CDH12: variants seen among roughly 807,000 people sequenced by gnomAD.
CDH12 encodes cadherin-12.
CDH12 carries 41 observed loss-of-function variants against 74.1 expected under a neutral mutation model. The ratio of observed to expected loss-of-function variants is 0.55; its 90% CI spans 0.43 to 0.72. The LOEUF is 0.72. Among genes scored for constraint, CDH12 ranks in the 30% least tolerant of loss-of-function variants. CDH12 has a pLI of 0.00. For synonymous variants in CDH12, 399 were observed against 355.0 expected (o/e 1.12, Z -1.39); for missense variants, 945 against 977.2 (o/e 0.97, Z 0.44).
intron 3 of CDH12, among the ~76,000 whole-genome samples, chr5:22,254,575 C>T (rs1753250480): frequency 6.6e-6 from 1 of 151,716 alleles, no homozygotes; most frequent in East Asian, 1.9e-4. Flanking sequence ...AGGTTTAATA[C>T]CTGAGTGATG....
At chr5:21,874,220 A>G (rs919176043) in intron 6 of CDH12, among the ~76,000 whole-genome samples, 8 of 152,242 alleles carry the variant, frequency 5.3e-5, no homozygotes, top group African/African-American at 1.9e-4. Context: ...ACATAAACAG[A>G]CACTTCTCAA....
At chr5:21,874,407 A>C (rs1314241060) in intron 6 of CDH12, among the ~76,000 whole-genome samples, 1 of 152,196 alleles carries the variant, frequency 6.6e-6, no homozygotes, top group Non-Finnish European at 1.5e-5. Context: ...CGGGGCTTGC[A>C]ACTTAGCTCA....
intron 6 of CDH12, among the ~76,000 whole-genome samples, chr5:21,886,918 C>T (rs776231188): frequency 1.3e-4 from 20 of 152,070 alleles, no homozygotes; most frequent in Non-Finnish European, 2.5e-4. Flanking sequence ...AAGCAGTTGG[C>T]TATGACTTGG....
At chr5:22,308,179 C>G (rs1237081595) in intron 3 of CDH12, among the ~76,000 whole-genome samples, 3 of 151,936 alleles carry the variant, frequency 2.0e-5, no homozygotes, top group Admixed American at 6.6e-5. Flanking sequence ...CCGCGCCTGG[C>G]CTAGATTCTT....
At chr5:22,101,892 C>T (rs1358298688) in intron 4 of CDH12, among the ~76,000 whole-genome samples, 5 of 151,992 alleles carry the variant, frequency 3.3e-5, no homozygotes, top group African/African-American at 7.2e-5. Context: ...AGGTCTCTGT[C>T]GCAACTATTC....
chr5:22,448,678 T>C (rs752077927), intron 2 of CDH12, among the ~76,000 whole-genome samples: 1 of 152,058 alleles, frequency 6.6e-6, no homozygotes, highest in Non-Finnish European at 1.5e-5. Flanking sequence ...TAAAGAGCAG[T>C]TATAAGAAAA....
In CDH12 at chr5:22,218,970, A is replaced by G. The variant is rs116615320; in HGVS notation, c.-332-6327T>C. On this transcript the variant is annotated intron_variant, in intron 3 of 14. Coordinates refer to ENST00000382254, the MANE Select transcript of CDH12 (RefSeq NM_004061.5). The stretch of plus-strand genomic sequence containing the variant: ...TTCCCATTCAATCATATTTTAAGAC[A>G]ACTTTAAACTTAATGTCCTAGTATC... Among the ~76,000 whole-genome samples the G allele has an allele frequency of 2.2e-3, 328 of 151,888 alleles. 1 individual carries two copies. Among genetic ancestry groups the G allele is most frequent in the African/African-American group, 7.4e-3 (309 of 41,544 alleles).
At chr5:22,271,606 A>G (rs1478846361) in intron 3 of CDH12, among the ~76,000 whole-genome samples, 1 of 152,200 alleles carries the variant, frequency 6.6e-6, no homozygotes, top group Non-Finnish European at 1.5e-5. Flanking sequence ...ATGAAACTAT[A>G]GCCTTATGTG....
chr5:22,199,871 G>T (rs1308267551), intron 4 of CDH12, among the ~76,000 whole-genome samples: 1 of 152,214 alleles, frequency 6.6e-6, no homozygotes, highest in Non-Finnish European at 1.5e-5. Context: ...ATCTGCATTA[G>T]AAATCACTTC....
At position 21,882,525 on chromosome 5, in the gene CDH12, T is replaced by TC. The variant is rs567119377; in HGVS notation, c.527-27736dup. The TC allele has an allele frequency of 8.0e-4, 716 of 896,546 alleles. 5 individuals are homozygous for TC. Among genetic ancestry groups the TC allele is most frequent in the South Asian group, 3.7e-3 (279 of 75,280 alleles). The allele number at this position is 896,546 out of a possible 1,614,324, so 55.5% of individuals were successfully genotyped here. A position where few individuals can be genotyped will look rare whatever the true frequency, so the allele number is the denominator to read the frequency against. On this transcript the variant is annotated intron_variant, in intron 6 of 14. Transcript: ENST00000382254. Reference sequence around the variant, plus strand: ...TTAAAAGTGATATATTAGCACTCTGTCCCTCACTCGCCGCCGACAACCTGT... The same window carrying TC: ...TTAAAAGTGATATATTAGCACTCTGTCCCCTCACTCGCCGCCGACAACCTGT...
At chr5:22,149,226 G>T (rs2150307592) in intron 4 of CDH12, among the ~76,000 whole-genome samples, 1 of 152,126 alleles carries the variant, frequency 6.6e-6, no homozygotes, top group Admixed American at 6.5e-5. Context: ...TTCTAAAAAG[G>T]GTCATATTTA....
In CDH12 at chr5:21,783,386, A is replaced by C. The variant is rs1404742919; in HGVS notation, c.1365T>G (p.Tyr455Ter). The change falls in exon 11 of 15, where the codon TAT becomes TAG. Residue 455 changes from tyrosine to a stop codon, truncating the protein, a stop_gained. Coordinates refer to ENST00000382254, the MANE Select transcript of CDH12 (RefSeq NM_004061.5). LOFTEE classifies it high-confidence loss of function. ...CTTTACTCGCAATTATGGAGAAATTATACTGCGCAGTGCTTTCTCTGTCTA... is the reference window on the plus strand; with the variant it reads ...CTTTACTCGCAATTATGGAGAAATTCTACTGCGCAGTGCTTTCTCTGTCTA... ...ELLDRESTAQ[Y>*]NFSIIASKVS... The C allele has an allele frequency of 6.2e-7, 1 of 1,613,334 alleles. No individual in the cohort carries two copies.
intron 3 of CDH12, among the ~76,000 whole-genome samples, chr5:22,308,173 G>T (rs762195134): frequency 6.6e-6 from 1 of 151,900 alleles, no homozygotes; most frequent in Non-Finnish European, 1.5e-5. Flanking sequence ...AGCCCCCCGC[G>T]CCTGGCCTAG....
At chr5:22,609,088 T>C (rs1321799013) in intron 1 of CDH12, among the ~76,000 whole-genome samples, 1 of 152,224 alleles carries the variant, frequency 6.6e-6, no homozygotes, top group Admixed American at 6.5e-5. Context: ...AAGGGGCATA[T>C]TGGGAGTGGG....
chr5:22,539,387 C>T (rs533750955), intron 1 of CDH12, among the ~76,000 whole-genome samples: 2 of 152,038 alleles, frequency 1.3e-5, no homozygotes, highest in African/African-American at 4.8e-5. Context: ...ATAGTTATTG[C>T]CTGATAACTG....
intron 4 of CDH12, among the ~76,000 whole-genome samples, chr5:22,138,338 T>G (rs1245165847): frequency 6.6e-6 from 1 of 151,666 alleles, no homozygotes; most frequent in African/African-American, 2.4e-5. Flanking sequence ...TATGAAAGAA[T>G]TATATTTTTT....
rs368083045 is a variant in CDH12 at position 22,117,512 on chromosome 5, A to AATAT, written c.-186-38654_-186-38651dup. 8.0e-3 allele frequency among the ~76,000 whole-genome samples: 465 copies of AATAT among 58,484 alleles called. 10 individuals carry two copies. Among genetic ancestry groups the AATAT allele is most frequent in the African/African-American group, 0.033 (439 of 13,356 alleles). The allele number at this position is 58,484 out of a possible 152,430, so 38.4% of individuals were successfully genotyped here. On this transcript the variant is annotated intron_variant, in intron 4 of 14. Coordinates refer to ENST00000382254, the MANE Select transcript of CDH12 (RefSeq NM_004061.5). ...TATTATATATATATAATATATATAT[A>AATAT]ATATATATATAATATATATATATAT... is the stretch of plus-strand genomic sequence containing the variant.
Position 22,744,211 on chromosome 5 carries a change from C to T in CDH12, c.-523+108847G>A, listed in dbSNP as rs191663775. On this transcript the variant is annotated intron_variant, in intron 1 of 14. Coordinates refer to ENST00000382254, the MANE Select transcript of CDH12 (RefSeq NM_004061.5). ...TTGGGAGGCCGAGACGGGCGGATCA[C>T]GAGGTCAGGAGATCAAGACCATCCT... is the stretch of plus-strand genomic sequence containing the variant. Among the ~76,000 whole-genome samples the T allele has an allele frequency of 2.6e-4, 40 of 152,102 alleles. 1 individual carries two copies. In the East Asian group the frequency reaches 6.2e-3, roughly 24 times the overall value.
intron 2 of CDH12, among the ~76,000 whole-genome samples, chr5:22,498,639 A>C (rs953266225): frequency 6.6e-6 from 1 of 151,918 alleles, no homozygotes; most frequent in East Asian, 1.9e-4. Flanking sequence ...GAATGCCAAA[A>C]ATATACATAT....
Sources: gnomAD v4.1 joint callset for allele counts (sites outside exome capture counted in the v4.1 genomes callset) on GRCh38, gnomAD v4.1.1 for gene constraint, MANE v1.5 for transcripts, NCBI Gene and HGNC (gene_info 2026-07-23, HGNC 2026-07-21) for gene names.